MUTYH: variants seen among roughly 807,000 people sequenced by gnomAD.
The protein encoded by MUTYH is adenine DNA glycosylase.
A neutral mutation model predicts 72.9 loss-of-function variants in MUTYH; 64 were observed. That is an observed-to-expected ratio of 0.88 (90% CI 0.72 to 1.08). MUTYH has a LOEUF of 1.08. Among genes scored for constraint, MUTYH ranks in the 50% least tolerant of loss-of-function variants. The probability of loss-of-function intolerance (pLI) is 0.00; values close to 1 mark genes in which losing one functional copy is unlikely to be tolerated. For missense variants in MUTYH, 633 were observed against 671.0 expected, an observed-to-expected ratio of 0.94 and a Z score of 0.63; for synonymous variants, 234 against 263.1, an observed-to-expected ratio of 0.89 and a Z score of 1.07.
chr1:45,332,097 C>A lies in MUTYH; in HGVS notation c.850-11G>T. 6.2e-7 allele frequency: 1 copy of A among 1,614,210 alleles called. No homozygotes were observed. The highest frequency in any genetic ancestry group is 8.5e-7 in the Non-Finnish European group (1 of 1,180,026). On this transcript the variant is annotated splice_polypyrimidine_tract_variant and intron_variant, in intron 10 of 15. Transcript: ENST00000456914. Reference sequence around the variant, plus strand: ...CTGTTCCTGCTCCACCTGAGAGGCACAGGGTTGAGTGTCATAGGGCAGAGT... The same window carrying A: ...CTGTTCCTGCTCCACCTGAGAGGCAAAGGGTTGAGTGTCATAGGGCAGAGT...
Position 45,334,510 on chromosome 1 carries a change from G to A in MUTYH, c.-5C>T, listed in dbSNP as rs587780747. ...GGCTGCTCGTGGCTTCCTCATGATG[G>A]CCTGAAACAAAAAGACCCAGCCAAA... On this transcript the variant is annotated splice_region_variant and 5_prime_UTR_variant, in exon 2 of 16. Transcript: ENST00000456914. 1.4e-5 allele frequency: 22 copies of A among 1,613,840 alleles called. No homozygotes were observed. The highest frequency in any genetic ancestry group is 1.8e-5 in the Non-Finnish European group (21 of 1,179,948).
At chr1:45,336,079 A>G in intron 1 of MUTYH, among the ~76,000 whole-genome samples, 1 of 152,226 alleles carries the variant, frequency 6.6e-6, no homozygotes, top group East Asian at 1.9e-4. Flanking sequence ...GGATCACTCA[A>G]ATTCCAAAGA....
chr1:45,338,808 A>G (rs1056066681), intron 1 of MUTYH, among the ~76,000 whole-genome samples: 2 of 150,704 alleles, frequency 1.3e-5, no homozygotes, highest in African/African-American at 4.9e-5. Context: ...CTGCTCTGCC[A>G]CTCAGGCTGG....
chr1:45,332,861 G>C (rs2149159444), intron 6 of MUTYH, 27 bp from the exon 7 acceptor site: 2 of 1,614,128 alleles, frequency 1.2e-6, no homozygotes, highest in Non-Finnish European at 1.7e-6. Flanking sequence ...AGGTCAAAGA[G>C]ATCACCCGTC....
At chr1:45,330,680 T>A in intron 14 of MUTYH, 123 bp from the exon 15 acceptor site, 1 of 1,199,104 alleles carries the variant, frequency 8.3e-7, no homozygotes, top group Non-Finnish European at 1.2e-6. Context: ...CCAGGCATGG[T>A]GGCTCACGCC....
intron 14 of MUTYH, among the ~76,000 whole-genome samples, chr1:45,330,915 T>A (rs1180906664): frequency 1.3e-5 from 2 of 152,010 alleles, no homozygotes; most frequent in Non-Finnish European, 2.9e-5. Flanking sequence ...TGAAACCTCA[T>A]CTCTACTAAA....
chr1:45,330,515 C>T lies in MUTYH; in HGVS notation c.1434+1G>A. The T allele has an allele frequency of 6.2e-7, 1 of 1,609,110 alleles. No homozygotes were observed. Among genetic ancestry groups the T allele is most frequent in the Non-Finnish European group, 8.5e-7 (1 of 1,177,500 alleles). On this transcript the variant is annotated splice_donor_variant, in intron 15 of 15. Transcript: ENST00000456914. LOFTEE classifies it high-confidence loss of function. ...GGTTGGGAGAGGCCTAGGAGACTTA[C>T]CATACAGGTCCCTGGCTGTTGGCCC...
In MUTYH at chr1:45,330,228, C is replaced by CAA. The variant is rs34168747; in HGVS notation, c.1434+286_1434+287dup. 3.5e-3 allele frequency among the ~76,000 whole-genome samples: 222 copies of CAA among 62,888 alleles called. 5 individuals are homozygous for CAA. Among genetic ancestry groups the CAA allele is most frequent in the East Asian group, 0.03 (60 of 2,012 alleles). 41.3% of individuals were successfully genotyped at this position (62,888 alleles called of 152,430 possible). On this transcript the variant is annotated intron_variant, in intron 15 of 15. Coordinates refer to ENST00000456914, the MANE Select transcript of MUTYH (RefSeq NM_001048174.2). ...AGCTTGGGTGACAGTGAGACTGTCT[C>CAA]AAAAAAAAAAAAAAAAAAAAAAAAG...
At chr1:45,336,741 G>A (rs1234059909) in intron 1 of MUTYH, among the ~76,000 whole-genome samples, 4 of 152,098 alleles carry the variant, frequency 2.6e-5, no homozygotes, top group Admixed American at 2.6e-4. Flanking sequence ...CAGCCTTGTT[G>A]CTCAGACAAA....
At position 45,331,404 on chromosome 1, in the gene MUTYH, T is replaced by C. The variant is rs1057521503; in HGVS notation, c.1239+16A>G. On this transcript the variant is annotated intron_variant, in intron 13 of 15. Coordinates refer to ENST00000456914, the MANE Select transcript of MUTYH (RefSeq NM_001048174.2). The stretch of plus-strand genomic sequence containing the variant: ...CTCAAAAGCCAACATCCTTGGCTAT[T>C]CCGCTGCTCACTTACCTCCCCAAGG... The C allele has an allele frequency of 7.4e-6, 12 of 1,614,110 alleles. No homozygotes were observed. Among genetic ancestry groups the C allele is most frequent in the Non-Finnish European group, 1.0e-5 (12 of 1,180,042 alleles).
chr1:45,333,509 G>A lies in MUTYH; in HGVS notation c.168C>T (p.Tyr56=). 1 of 1,614,212 alleles carries A rather than the reference G, an allele frequency of 6.2e-7. No homozygotes were observed. Among genetic ancestry groups the A allele is most frequent in the Non-Finnish European group, 8.5e-7 (1 of 1,180,022 alleles). ...EVVLQASVSS[Y]HLFRDVAEVT... ...CTTCAGCTACGTCTCTGAATAGATG[G>A]TATGAGGAGACAGAGGCCTGCAATA... The change falls in exon 3 of 16, where the codon TAC becomes TAT. Residue 56 remains tyrosine, a synonymous_variant. Coordinates refer to ENST00000456914, the MANE Select transcript of MUTYH (RefSeq NM_001048174.2).
chr1:45,338,905 A>G (rs1471304040), intron 1 of MUTYH, among the ~76,000 whole-genome samples: 1 of 152,082 alleles, frequency 6.6e-6, no homozygotes, highest in Non-Finnish European at 1.5e-5. Context: ...CTGGGACTAC[A>G]GGTGCGCACC....
At chr1:45,338,038 A>G in intron 1 of MUTYH, 1 of 444,388 alleles carries the variant, frequency 2.3e-6, no homozygotes, top group Non-Finnish European at 4.6e-6. Flanking sequence ...ATTCTAAGTG[A>G]GTGCAAAGGC....
At position 45,329,367 on chromosome 1, in the gene MUTYH, T is replaced by C; in HGVS notation, c.1505A>G (p.Asp502Gly). The C allele has an allele frequency of 1.2e-6, 2 of 1,614,196 alleles. No individual in the cohort carries two copies. Among genetic ancestry groups the C allele is most frequent in the Non-Finnish European group, 1.7e-6 (2 of 1,180,042 alleles). Residue 502 changes from aspartate (D) to glycine (G), a missense_variant, in exon 16 of 16, where the codon GAT (aspartate) becomes GGT (glycine). Coordinates refer to ENST00000456914, the MANE Select transcript of MUTYH (RefSeq NM_001048174.2). ...KKPRMGQQVL[D>G]NFFRSHISTD... ...GGAGATGTGAGACCGAAAGAAATTA[T>C]CCAGGACTTGCTGGCCCATGCGGGG...
intron 13 of MUTYH, 26 bp downstream of exon 13, chr1:45,331,394 C>G (rs2149116254): frequency 1.2e-6 from 2 of 1,614,212 alleles, no homozygotes; most frequent in Non-Finnish European, 1.7e-6. Context: ...AAGCCAACAT[C>G]CTTGGCTATT....
intron 1 of MUTYH, among the ~76,000 whole-genome samples, chr1:45,339,173 A>G (rs1646487568): frequency 6.7e-6 from 1 of 148,372 alleles, no homozygotes; most frequent in Non-Finnish European, 1.5e-5. Context: ...TGGGAATCGT[A>G]GTGTTTACGG....
At position 45,331,416 on chromosome 1, in the gene MUTYH, T is replaced by C. The variant is rs774494767; in HGVS notation, c.1239+4A>G. The C allele has an allele frequency of 3.7e-6, 6 of 1,614,260 alleles. No individual in the cohort carries two copies. Among genetic ancestry groups the C allele is most frequent in the Non-Finnish European group, 5.1e-6 (6 of 1,180,038 alleles). On this transcript the variant is annotated splice_donor_region_variant and intron_variant, in intron 13 of 15. Transcript: ENST00000456914. Reference sequence around the variant, plus strand: ...CATCCTTGGCTATTCCGCTGCTCACTTACCTCCCCAAGGTGCCGGAGGTGC... The same window carrying C: ...CATCCTTGGCTATTCCGCTGCTCACCTACCTCCCCAAGGTGCCGGAGGTGC...
At chr1:45,331,955 G>A (rs2149132028) in intron 11 of MUTYH, 68 bp downstream of exon 11, 2 of 1,612,494 alleles carry the variant, frequency 1.2e-6, no homozygotes, top group Non-Finnish European at 8.5e-7. Context: ...CAGGTTAGAG[G>A]AAGAACTGGA....
At chr1:45,339,047 G>A (rs115058761) in intron 1 of MUTYH, among the ~76,000 whole-genome samples, 2 of 152,160 alleles carry the variant, frequency 1.3e-5, no homozygotes, top group Admixed American at 6.6e-5. Context: ...CAGGCCATAA[G>A]CCACTGCGCC....
Sources: allele counts gnomAD v4.1 joint callset (sites outside exome capture counted in the v4.1 genomes callset), GRCh38; gene constraint gnomAD v4.1.1; transcripts MANE v1.5; gene names NCBI Gene and HGNC (gene_info 2026-07-23, HGNC 2026-07-21).